SAMMSON: variants seen among roughly 807,000 people sequenced by gnomAD.
The protein encoded by SAMMSON is long intergenic non-protein coding RNA 1212.
chr3:70,327,356 T>C (rs1188764393), intron 7 of SAMMSON, among the ~76,000 whole-genome samples: 2 of 152,112 alleles, frequency 1.3e-5, no homozygotes, highest in Non-Finnish European at 2.9e-5. Context: ...CAGTGACCCC[T>C]GAGGAAGGAA....
chr3:70,215,254 A>AC (rs1223525396), intron 4 of SAMMSON, among the ~76,000 whole-genome samples: 1 of 152,026 alleles, frequency 6.6e-6, no homozygotes, highest in Non-Finnish European at 1.5e-5. Context: ...GCCCAAGATT[A>AC]CCCCGCTGGT....
At position 70,290,785 on chromosome 3, in the gene SAMMSON, G is replaced by A. The variant is rs556238581; in HGVS notation, n.675-394G>A. ...TGGTGCGCCGTTTTTTAAGCTTGTC[G>A]GAAAAGCGCAGTATTCGGGTGGGAG... On this transcript the variant is annotated intron_variant and non_coding_transcript_variant, in intron 6 of 9. Transcript: ENST00000642114. Among the ~76,000 whole-genome samples, 6 of 152,300 alleles carry A rather than the reference G, an allele frequency of 3.9e-5. 1 individual carries two copies. The highest frequency in any genetic ancestry group is 4.2e-4 in the South Asian group (2 of 4,818).
chr3:70,014,715 G>T (rs920598428), intron 3 of SAMMSON: 1 of 152,132 alleles, frequency 6.6e-6, no homozygotes, highest in African/African-American at 2.4e-5. Flanking sequence ...AGTAACTTCT[G>T]GCTTTAATCC....
chr3:70,199,714 T>C (rs1295679821), intron 4 of SAMMSON, among the ~76,000 whole-genome samples: 2 of 152,202 alleles, frequency 1.3e-5, no homozygotes, highest in Non-Finnish European at 2.9e-5. Context: ...GAAAAGAGCG[T>C]TGGATTTCCT....
chr3:70,223,818 A>C (rs1400555635), intron 4 of SAMMSON, among the ~76,000 whole-genome samples: 2 of 152,138 alleles, frequency 1.3e-5, no homozygotes, highest in Non-Finnish European at 2.9e-5. Context: ...GGTTTTTCTC[A>C]GAGGTGAATT....
Position 70,117,218 on chromosome 3 carries a change from A to G in SAMMSON, n.507+45653A>G, listed in dbSNP as rs1293723911. Among the ~76,000 whole-genome samples, 4 of 152,222 alleles carry G rather than the reference A, an allele frequency of 2.6e-5. No homozygotes were observed. In the South Asian group the frequency reaches 8.3e-4, roughly 31 times the overall value. ...TGCCCTGATTTTGAACTGCTTCATT[A>G]AAAGTAATTTTGTTTTTCAGAAGGA... On this transcript the variant is annotated intron_variant and non_coding_transcript_variant, in intron 4 of 9. Transcript: ENST00000642114.
intron 4 of SAMMSON, among the ~76,000 whole-genome samples, chr3:70,169,170 C>T (rs2067651146): frequency 6.6e-6 from 1 of 151,976 alleles, no homozygotes; most frequent in Non-Finnish European, 1.5e-5. Flanking sequence ...TTTGGATAAA[C>T]TTTGGTTTTG....
intron 9 of SAMMSON, among the ~76,000 whole-genome samples, chr3:70,374,279 T>C (rs888113642): frequency 1.3e-4 from 20 of 152,308 alleles, no homozygotes; most frequent in African/African-American, 4.6e-4. Flanking sequence ...TTTGTGTCTA[T>C]TGATTGTCCT....
chr3:70,311,847 T>G (rs954049295), intron 7 of SAMMSON: 1 of 397,004 alleles, frequency 2.5e-6, no homozygotes, highest in African/African-American at 2.1e-5. Flanking sequence ...AAAAGCAAAA[T>G]TTTCACACCA....
intron 9 of SAMMSON, among the ~76,000 whole-genome samples, chr3:70,380,359 A>G (rs1703055026): frequency 6.6e-6 from 1 of 152,132 alleles, no homozygotes; most frequent in South Asian, 2.1e-4. Flanking sequence ...GAATCTGAGT[A>G]AAAATCCTGT....
intron 6 of SAMMSON, among the ~76,000 whole-genome samples, chr3:70,256,582 C>T (rs1481811510): frequency 6.6e-6 from 1 of 152,148 alleles, no homozygotes; most frequent in Non-Finnish European, 1.5e-5. Flanking sequence ...TATGCTATGC[C>T]ACTTGCTGCT....
chr3:70,038,830 G>A (rs983966200), intron 3 of SAMMSON, among the ~76,000 whole-genome samples: 2 of 152,132 alleles, frequency 1.3e-5, no homozygotes, highest in African/African-American at 2.4e-5. Flanking sequence ...AGTCAGAATA[G>A]CATAATTCAT....
intron 7 of SAMMSON, among the ~76,000 whole-genome samples, chr3:70,340,255 G>T (rs575356000): frequency 7.6e-6 from 1 of 131,866 alleles, no homozygotes; most frequent in African/African-American, 2.8e-5. Context: ...GTTGGGGGGA[G>T]GGGGGAGGGA....
intron 4 of SAMMSON, among the ~76,000 whole-genome samples, chr3:70,106,820 G>A (rs1286777102): frequency 6.6e-6 from 1 of 152,162 alleles, no homozygotes; most frequent in African/African-American, 2.4e-5. Flanking sequence ...GGTTAAGATA[G>A]CCTTTGAATT....
At chr3:70,216,462 C>T (rs1017543716) in intron 4 of SAMMSON, among the ~76,000 whole-genome samples, 3 of 151,928 alleles carry the variant, frequency 2.0e-5, no homozygotes, top group African/African-American at 7.3e-5. Flanking sequence ...CACATGAGGA[C>T]ACAGAAAACG....
chr3:70,275,439 C>G (rs1341695259), intron 6 of SAMMSON, among the ~76,000 whole-genome samples: 1 of 152,158 alleles, frequency 6.6e-6, no homozygotes, highest in Non-Finnish European at 1.5e-5. Context: ...TGCTTGAGCC[C>G]AGGAGGTCAA....
intron 4 of SAMMSON, chr3:70,126,533 C>T (rs1332193346): frequency 1.4e-5 from 8 of 577,100 alleles, no homozygotes; most frequent in Admixed American, 5.7e-5. Context: ...CAGAAGAGTT[C>T]GGTCGGCCGA....
intron 2 of SAMMSON, among the ~76,000 whole-genome samples, chr3:70,431,915 C>A (rs915814649): frequency 4.6e-5 from 7 of 152,026 alleles, no homozygotes; most frequent in African/African-American, 1.7e-4. Context: ...GTTCATTCAA[C>A]TTTTATTGCT....
chr3:70,118,077 C>A (rs1251390423), intron 4 of SAMMSON, among the ~76,000 whole-genome samples: 1 of 152,060 alleles, frequency 6.6e-6, no homozygotes, highest in African/African-American at 2.4e-5. Flanking sequence ...CACCACCACG[C>A]CCGGCTAATT....
Sources: gnomAD v4.1 joint callset for allele counts (sites outside exome capture counted in the v4.1 genomes callset) on GRCh38, gnomAD v4.1.1 for gene constraint, MANE v1.5 for transcripts, NCBI Gene and HGNC (gene_info 2026-07-23, HGNC 2026-07-21) for gene names.